DLGAP2: variants seen among roughly 807,000 people sequenced by gnomAD.
DLGAP2 encodes disks large-associated protein 2.
DLGAP2 carries 26 observed loss-of-function variants against 100.3 expected under a neutral mutation model. The observed-to-expected ratio is 0.26, with a 90% CI of 0.19 to 0.36. The LOEUF is 0.36. Among genes scored for constraint, DLGAP2 ranks in the 10% least tolerant of loss-of-function variants. The pLI, the probability that DLGAP2 is intolerant of heterozygous loss-of-function variation, is 1.00. For synonymous variants in DLGAP2, 886 were observed against 630.1 expected, an observed-to-expected ratio of 1.41 and a Z score of -6.08; for missense variants, 1,858 against 1,453.2, an observed-to-expected ratio of 1.28 and a Z score of -4.53.
intron 3 of DLGAP2, among the ~76,000 whole-genome samples, chr8:1,359,052 G>T (rs1377517326): frequency 6.6e-6 from 1 of 152,170 alleles, no homozygotes; most frequent in Non-Finnish European, 1.5e-5. Context: ...TCGGCAGGTC[G>T]GGGTGGGGCC....
At chr8:828,205 C>A (rs1796717599) in intron 1 of DLGAP2, among the ~76,000 whole-genome samples, 1 of 152,160 alleles carries the variant, frequency 6.6e-6, no homozygotes, top group Admixed American at 6.5e-5. Flanking sequence ...TTGAGATCAA[C>A]CAGTCTGACC....
At chr8:1,526,382 A>AGGAATTGGG (rs1800793491) in intron 4 of DLGAP2, among the ~76,000 whole-genome samples, 1 of 151,888 alleles carries the variant, frequency 6.6e-6, no homozygotes, top group South Asian at 2.1e-4. Flanking sequence ...GGGGGCTCAG[A>AGGAATTGGG]GGGTGGGAAT....
At chr8:1,657,673 G>A (rs1001980246) in intron 8 of DLGAP2, among the ~76,000 whole-genome samples, 3 of 152,204 alleles carry the variant, frequency 2.0e-5, no homozygotes, top group Non-Finnish European at 4.4e-5. Flanking sequence ...ATGAATGAAT[G>A]GATGCAGTGA....
At chr8:744,136 C>T (rs575227286) in intron 1 of DLGAP2, among the ~76,000 whole-genome samples, 46 of 152,296 alleles carry the variant, frequency 3.0e-4, no homozygotes, top group East Asian at 9.7e-4. Context: ...GACCCAGCGC[C>T]GCTTCCCTCT....
chr8:1,531,748 A>G (rs1800996930), intron 4 of DLGAP2, among the ~76,000 whole-genome samples: 1 of 152,154 alleles, frequency 6.6e-6, no homozygotes, highest in African/African-American at 2.4e-5. Flanking sequence ...GTGCATAACT[A>G]AATTTTGTTT....
intron 2 of DLGAP2, among the ~76,000 whole-genome samples, chr8:1,036,660 C>T (rs907595615): frequency 2.0e-5 from 3 of 152,038 alleles, no homozygotes; most frequent in Non-Finnish European, 4.4e-5. Context: ...GGCCTTGAAC[C>T]GTGCACCCTA....
intron 3 of DLGAP2, among the ~76,000 whole-genome samples, chr8:1,386,646 C>T (rs576093181): frequency 1.7e-3 from 258 of 152,162 alleles, no homozygotes; most frequent in African/African-American, 5.6e-3. Context: ...GACCCAGAAA[C>T]GAGAGAAGAA....
At chr8:1,441,054 A>G (rs1159636287) in intron 3 of DLGAP2, among the ~76,000 whole-genome samples, 1 of 152,244 alleles carries the variant, frequency 6.6e-6, no homozygotes, top group Non-Finnish European at 1.5e-5. Context: ...TTTTCAAGGC[A>G]GAAAAGATGC....
chr8:756,424 T>G (rs1820923231), intron 1 of DLGAP2, among the ~76,000 whole-genome samples: 1 of 152,210 alleles, frequency 6.6e-6, no homozygotes, highest in Non-Finnish European at 1.5e-5. Flanking sequence ...TGTTTTTAAT[T>G]AGCACAGATG....
chr8:791,731 A>G (rs1822032325), intron 1 of DLGAP2, among the ~76,000 whole-genome samples: 1 of 152,216 alleles, frequency 6.6e-6, no homozygotes, highest in African/African-American at 2.4e-5. Context: ...GTAATTTCAC[A>G]CTTCAGGAAG....
chr8:997,080 G>A (rs536893461), intron 2 of DLGAP2, among the ~76,000 whole-genome samples: 9 of 152,192 alleles, frequency 5.9e-5, no homozygotes, highest in Non-Finnish European at 1.2e-4. Flanking sequence ...TGCATGTGAC[G>A]GACTGTTTTG....
At chr8:1,590,176 T>C (rs1367456804) in intron 6 of DLGAP2, among the ~76,000 whole-genome samples, 1 of 152,142 alleles carries the variant, frequency 6.6e-6, no homozygotes, top group Non-Finnish European at 1.5e-5. Context: ...CGGAGCCCAC[T>C]CCGGTGACCT....
chr8:1,173,748 G>T (rs772363148), intron 2 of DLGAP2, among the ~76,000 whole-genome samples: 1 of 152,160 alleles, frequency 6.6e-6, no homozygotes, highest in Non-Finnish European at 1.5e-5. Flanking sequence ...CACAGTATTC[G>T]GGTAGGAGTG....
chr8:1,603,860 A>C (rs1366029738), intron 6 of DLGAP2, among the ~76,000 whole-genome samples: 1 of 152,160 alleles, frequency 6.6e-6, no homozygotes, highest in Non-Finnish European at 1.5e-5. Context: ...ACCACCGTTC[A>C]ATATTTGACC....
chr8:853,072 A>G (rs1193046407), intron 1 of DLGAP2, among the ~76,000 whole-genome samples: 1 of 152,228 alleles, frequency 6.6e-6, no homozygotes, highest in Non-Finnish European at 1.5e-5. Flanking sequence ...AGTTTATAAT[A>G]GCTGGGTGCT....
intron 3 of DLGAP2, among the ~76,000 whole-genome samples, chr8:1,281,112 C>G (rs992990838): frequency 1.3e-5 from 2 of 152,168 alleles, no homozygotes; most frequent in African/African-American, 2.4e-5. Flanking sequence ...ATGCCAAGTT[C>G]TTATAGTGCC....
Position 1,288,028 on chromosome 8 carries a change from G to A in DLGAP2, c.106+29145G>A, listed in dbSNP as rs1171218223. On this transcript the variant is annotated intron_variant, in intron 3 of 14. Coordinates refer to ENST00000637795, the MANE Select transcript of DLGAP2 (RefSeq NM_001346810.2). ...TGGTTCTGTTAGGGGGACTAGTTTC[G>A]GTTGAGTGTGTGTGTGTGTGTGTAT... Among the ~76,000 whole-genome samples, 40 of 55,130 alleles carry A rather than the reference G, an allele frequency of 7.3e-4. 4 individuals are homozygous for A. The highest frequency in any genetic ancestry group is 4.3e-3 in the African/African-American group (36 of 8,330). 36.2% of individuals were successfully genotyped at this position (55,130 alleles called of 152,430 possible). A position where few individuals can be genotyped will look rare whatever the true frequency, so the allele number is the denominator to read the frequency against.
rs1447358811 is a variant in DLGAP2, at chr8:1,704,184, C to T, written c.*2778C>T. 6.6e-6 allele frequency: 1 copy of T among 152,552 alleles called. No homozygotes were observed. Among genetic ancestry groups the T allele is most frequent in the African/African-American group, 2.4e-5 (1 of 41,444 alleles). The allele number at this position is 152,552 out of a possible 1,614,324, so 9.4% of individuals were successfully genotyped here. ...TGCCATGGAGCTCACGACGTGTGAC[C>T]ATTTCGTCATATTTAAAATATAACT... On this transcript the variant is annotated 3_prime_UTR_variant, in exon 15 of 15. Coordinates refer to ENST00000637795, the MANE Select transcript of DLGAP2 (RefSeq NM_001346810.2).
At chr8:1,087,539 C>G (rs778307433) in intron 2 of DLGAP2, among the ~76,000 whole-genome samples, 1 of 138,720 alleles carries the variant, frequency 7.2e-6, no homozygotes, top group Non-Finnish European at 1.6e-5. Flanking sequence ...TGTGACTCCT[C>G]TTTCTCTCTC....
Sources: gnomAD v4.1 joint callset for allele counts (sites outside exome capture counted in the v4.1 genomes callset) on GRCh38, gnomAD v4.1.1 for gene constraint, MANE v1.5 for transcripts, NCBI Gene and HGNC (gene_info 2026-07-23, HGNC 2026-07-21) for gene names.